The following RASAL2 variants were observed in gnomAD, a reference collection of about 807,000 sequenced individuals.
RASAL2 encodes the protein RAS protein activator like 2, also known as ras GTPase-activating protein nGAP.
Under a neutral mutation model 128.9 loss-of-function variants are expected in RASAL2, and 58 were observed. That is an observed-to-expected ratio of 0.45 (90% CI 0.36 to 0.56). The LOEUF is 0.56. RASAL2 is among the 20% of genes least tolerant of loss of function. The pLI, the probability that RASAL2 is intolerant of heterozygous loss-of-function variation, is 0.00. For missense variants in RASAL2, 1,360 were observed against 1,601.6 expected (o/e 0.85, Z 2.57); for synonymous variants, 561 against 580.8 (o/e 0.97, Z 0.49).
chr1:178,165,421 A>T (rs908912456), intron 1 of RASAL2, among the ~76,000 whole-genome samples: 1 of 152,204 alleles, frequency 6.6e-6, no homozygotes, highest in South Asian at 2.1e-4. Flanking sequence ...GTTAGATATT[A>T]TAAGTAATCC....
At chr1:178,467,046 G>T (rs1427679352) in intron 16 of RASAL2, among the ~76,000 whole-genome samples, 1 of 152,120 alleles carries the variant, frequency 6.6e-6, no homozygotes, top group Non-Finnish European at 1.5e-5. Flanking sequence ...TTTGTTGGTT[G>T]ATTTGATATT....
chr1:178,333,311 G>A (rs1175654894), intron 3 of RASAL2, among the ~76,000 whole-genome samples: 2 of 152,238 alleles, frequency 1.3e-5, no homozygotes, highest in Admixed American at 6.5e-5. Flanking sequence ...ACAGGCGTAA[G>A]CCACCGCGCC....
intron 1 of RASAL2, among the ~76,000 whole-genome samples, chr1:178,253,198 G>A (rs1036203863): frequency 5.3e-5 from 8 of 151,916 alleles, no homozygotes; most frequent in African/African-American, 1.9e-4. Context: ...TTCTGTCTCC[G>A]GTGTCACATG....
intron 2 of RASAL2, among the ~76,000 whole-genome samples, chr1:178,297,441 A>C (rs1667565165): frequency 6.6e-6 from 1 of 151,424 alleles, no homozygotes; most frequent in African/African-American, 2.4e-5. Flanking sequence ...GTCTCTACTA[A>C]AAATAAAAAA....
chr1:178,431,008 C>T (rs1041739004), intron 5 of RASAL2, among the ~76,000 whole-genome samples: 1 of 151,668 alleles, frequency 6.6e-6, no homozygotes, highest in Admixed American at 6.6e-5. Flanking sequence ...CATAATATTT[C>T]TGCAATTTGG....
chr1:178,105,557 C>T (rs545983099), intron 1 of RASAL2, among the ~76,000 whole-genome samples: 12 of 152,086 alleles, frequency 7.9e-5, no homozygotes, highest in African/African-American at 2.9e-4. Context: ...ATATCTTGCT[C>T]CATAAATAAG....
intron 5 of RASAL2, among the ~76,000 whole-genome samples, chr1:178,429,006 T>A (rs1258458773): frequency 3.3e-5 from 5 of 152,102 alleles, no homozygotes; most frequent in Non-Finnish European, 7.4e-5. Flanking sequence ...TCACTGAGCC[T>A]AACAGAAATT....
At chr1:178,383,974 ATGTTTTGTTGAAATGT>A (rs1186720907) in intron 3 of RASAL2, among the ~76,000 whole-genome samples, 5 of 152,204 alleles carry the variant, frequency 3.3e-5, no homozygotes, top group African/African-American at 1.2e-4. Context: ...ATGTTTTATC[ATGTTTTGTTGAAATGT>A]TGATTTTTAA....
chr1:178,327,391 G>C (rs1669087389), intron 3 of RASAL2, among the ~76,000 whole-genome samples: 1 of 151,962 alleles, frequency 6.6e-6, no homozygotes, highest in South Asian at 2.1e-4. Context: ...TGTCACCCAG[G>C]CTGGAGTGCA....
intron 1 of RASAL2, among the ~76,000 whole-genome samples, chr1:178,148,180 T>A (rs908656240): frequency 2.0e-5 from 3 of 151,646 alleles, no homozygotes. Flanking sequence ...TCATTTATTT[T>A]CTTTGCTCAC....
chr1:178,229,360 A>G (rs1161061190), intron 1 of RASAL2, among the ~76,000 whole-genome samples: 1 of 152,328 alleles, frequency 6.6e-6, no homozygotes. Flanking sequence ...ACAATCCAAA[A>G]TCATGCATTG....
At chr1:178,186,133 T>G (rs1208634158) in intron 1 of RASAL2, among the ~76,000 whole-genome samples, 1 of 152,152 alleles carries the variant, frequency 6.6e-6, no homozygotes, top group East Asian at 1.9e-4. Flanking sequence ...TAAGGAATTT[T>G]TCATTTAAGT....
At position 178,371,322 on chromosome 1, in the gene RASAL2, C is replaced by CCACACACACACACACACACACACA. The variant is rs370972772; in HGVS notation, c.458-18771_458-18748dup. Among the ~76,000 whole-genome samples the CCACACACACACACACACACACACA allele has an allele frequency of 1.9e-3, 239 of 124,456 alleles. 1 individual carries two copies. Among genetic ancestry groups the CCACACACACACACACACACACACA allele is most frequent in the African/African-American group, 6.3e-3 (226 of 35,980 alleles). The allele number at this position is 124,456 out of a possible 152,430, so 81.6% of individuals were successfully genotyped here. On this transcript the variant is annotated intron_variant, in intron 3 of 17. Coordinates refer to ENST00000367649, the MANE Select transcript of RASAL2 (RefSeq NM_170692.4). ...TTCTTTCAGATTTCAGCCTTCTTTC[C>CCACACACACACACACACACACACA]CACACACACACACACACACACACAC...
At chr1:178,296,526 A>ATTTTTAT (rs1553207467) in intron 2 of RASAL2, among the ~76,000 whole-genome samples, 1 of 151,540 alleles carries the variant, frequency 6.6e-6, no homozygotes, top group Non-Finnish European at 1.5e-5. Context: ...CAACTGGCTG[A>ATTTTTAT]TTTTTATTTT....
At chr1:178,383,519 T>C (rs1277390088) in intron 3 of RASAL2, among the ~76,000 whole-genome samples, 1 of 152,218 alleles carries the variant, frequency 6.6e-6, no homozygotes, top group Non-Finnish European at 1.5e-5. Flanking sequence ...TTTCTAACTC[T>C]GTCTTTTAAG....
At chr1:178,297,685 G>A (rs561161839) in intron 2 of RASAL2, among the ~76,000 whole-genome samples, 1 of 150,810 alleles carries the variant, frequency 6.6e-6, no homozygotes, top group South Asian at 2.1e-4. Flanking sequence ...TCCTGAATGA[G>A]AAGTAAAATG....
chr1:178,212,514 C>T (rs576041079), intron 1 of RASAL2, among the ~76,000 whole-genome samples: 4 of 152,048 alleles, frequency 2.6e-5, no homozygotes, highest in East Asian at 1.9e-4. Flanking sequence ...TTTTTTGAGA[C>T]GGAGTCTCAC....
chr1:178,255,404 C>T (rs546780070), intron 1 of RASAL2, among the ~76,000 whole-genome samples: 1 of 151,842 alleles, frequency 6.6e-6, no homozygotes, highest in Non-Finnish European at 1.5e-5. Context: ...CATATAGAAA[C>T]GTAATATATC....
At chr1:178,405,540 G>T (rs1673945174) in intron 4 of RASAL2, among the ~76,000 whole-genome samples, 5 of 152,200 alleles carry the variant, frequency 3.3e-5, no homozygotes, top group African/African-American at 1.2e-4. Flanking sequence ...CTTTCATAGA[G>T]ATGCAACATT....
Sources: allele counts gnomAD v4.1 joint callset (sites outside exome capture counted in the v4.1 genomes callset), GRCh38; gene constraint gnomAD v4.1.1; transcripts MANE v1.5; gene names NCBI Gene and HGNC (gene_info 2026-07-23, HGNC 2026-07-21).